Variants in ADCY3 observed in about 807,000 individuals in gnomAD.
ADCY3 encodes adenylate cyclase 3.
A neutral mutation model predicts 119.4 loss-of-function variants in ADCY3; 70 were observed. The observed-to-expected ratio is 0.59, with a 90% CI of 0.48 to 0.72. ADCY3 has a LOEUF of 0.72. ADCY3 is among the 30% of genes least tolerant of loss of function. The pLI is 0.00. For missense variants in ADCY3, 1,238 were observed against 1,541.6 expected, an observed-to-expected ratio of 0.80 and a Z score of 3.30; for synonymous variants, 672 against 621.4, an observed-to-expected ratio of 1.08 and a Z score of -1.21.
chr2:24,883,156 T>C (rs971366633), intron 2 of ADCY3, among the ~76,000 whole-genome samples: 11 of 152,036 alleles, frequency 7.2e-5, no homozygotes, highest in Non-Finnish European at 1.5e-5. Context: ...AAGACTAGCC[T>C]GGCCAATATA....
chr2:24,896,938 C>T lies in ADCY3; in HGVS notation c.675+21375G>A, dbSNP rs1241405363. On this transcript the variant is annotated intron_variant, in intron 2 of 21. Coordinates refer to ENST00000679454, the MANE Select transcript of ADCY3 (RefSeq NM_004036.5). ...TAGGTAATGAACGATAGGGCTCACT[C>T]GGTTAGTCTTCTTTTTCCAAGGAAT... Among the ~76,000 whole-genome samples the T allele has an allele frequency of 2.6e-5, 4 of 152,164 alleles. No individual in the cohort carries two copies. The East Asian group carries it at 5.8e-4, about 22-fold the overall frequency.
chr2:24,841,181 C>G lies in ADCY3; in HGVS notation c.1196+78G>C, dbSNP rs757127583. On this transcript the variant is annotated intron_variant, in intron 6 of 21. Coordinates refer to ENST00000679454, the MANE Select transcript of ADCY3 (RefSeq NM_004036.5). This position sits in a 1 kb window ranked among gnomAD's most constrained non-coding sequence, Gnocchi z 5.8. ...CCCCACCCAGGGGCCATGGCCAGCG[C>G]GGAAGACCTGCTTCTCCCTGGGTCC... is the stretch of plus-strand genomic sequence containing the variant. 7.6e-6 allele frequency: 11 copies of G among 1,454,414 alleles called. No individual in the cohort carries two copies. In the African/African-American group the frequency reaches 1.4e-4, roughly 19 times the overall value. 90.1% of individuals were successfully genotyped at this position (1,454,414 alleles called of 1,614,324 possible). A position where few individuals can be genotyped will look rare whatever the true frequency, so the allele number is the denominator to read the frequency against.
chr2:24,822,363 A>G (rs1404104903), intron 19 of ADCY3, 148 bp downstream of exon 19: 1 of 1,149,902 alleles, frequency 8.7e-7, no homozygotes, highest in Non-Finnish European at 1.2e-6. Context: ...AATAAACCCT[A>G]TTTCTTATTT....
intron 7 of ADCY3, among the ~76,000 whole-genome samples, chr2:24,839,147 G>A (rs1670694078): frequency 6.6e-6 from 1 of 152,032 alleles, no homozygotes; most frequent in African/African-American, 2.4e-5. Context: ...TCGTCATGTT[G>A]GTCAGGCTGG....
At position 24,878,022 on chromosome 2, in the gene ADCY3, G is replaced by A. The variant is rs1439817687; in HGVS notation, c.676-5303C>T. 1.0e-4 allele frequency: 47 copies of A among 463,484 alleles called. No individual in the cohort carries two copies. The highest frequency in any genetic ancestry group is 1.4e-4 in the Non-Finnish European group (32 of 222,190). The allele number at this position is 463,484 out of a possible 1,614,324, so 28.7% of individuals were successfully genotyped here. On this transcript the variant is annotated intron_variant, in intron 2 of 21. Transcript: ENST00000679454. The surrounding 1 kb of genome is among the most constrained non-coding windows in gnomAD (Gnocchi z 4.0). ...CTGCACAGCACGATCAGGCTCTGTGGTGACAGAGGTCCACAGCCCCTGGGG... is the reference window on the plus strand; with the variant it reads ...CTGCACAGCACGATCAGGCTCTGTGATGACAGAGGTCCACAGCCCCTGGGG...
Position 24,841,615 on chromosome 2 carries a change from C to T in ADCY3, c.1009G>A (p.Ala337Thr), listed in dbSNP as rs1454175130. 1 of 1,613,682 alleles carries T rather than the reference C, an allele frequency of 6.2e-7. No individual in the cohort carries two copies. Among genetic ancestry groups the T allele is most frequent in the Non-Finnish European group, 8.5e-7 (1 of 1,180,008 alleles). ...TTGAGCAGCTTCACAAGCTCCTGGGCACTGCAGGCAGAAGACAGCTGGGTA... is the reference window on the plus strand; with the variant it reads ...TTGAGCAGCTTCACAAGCTCCTGGGTACTGCAGGCAGAAGACAGCTGGGTA... ...GFTQLSSACS[A>T]QELVKLLNEL... is the part of the protein sequence containing the mutation. Residue 337 changes from alanine (A) to threonine (T), a missense_variant, in exon 5 of 22, where the codon GCC (alanine) becomes ACC (threonine). By Grantham distance (58) the Ala-to-Thr change is moderately conservative. This residue lies in a region of ADCY3 where 283 missense variants were observed against 437.2 expected (regional missense o/e 0.65). Coordinates refer to ENST00000679454, the MANE Select transcript of ADCY3 (RefSeq NM_004036.5). This position sits in a 1 kb window ranked among gnomAD's most constrained non-coding sequence, Gnocchi z 5.8.
intron 12 of ADCY3, among the ~76,000 whole-genome samples, 165 bp downstream of exon 12, chr2:24,831,497 C>T (rs1042376046): frequency 6.6e-6 from 1 of 152,256 alleles, no homozygotes; most frequent in Admixed American, 6.5e-5. Context: ...AGGGAGTGCT[C>T]TGCTGATGGT....
intron 3 of ADCY3, among the ~76,000 whole-genome samples, chr2:24,852,880 G>A (rs1672507949): frequency 6.6e-6 from 1 of 152,254 alleles, no homozygotes; most frequent in African/African-American, 2.4e-5. Context: ...TGGTGGGGCT[G>A]TGGACTCAGC....
intron 3 of ADCY3, among the ~76,000 whole-genome samples, chr2:24,850,278 C>A (rs911611244): frequency 1.3e-5 from 2 of 152,164 alleles, no homozygotes; most frequent in Non-Finnish European, 1.5e-5. Context: ...TGGCCCCTTT[C>A]ATGAGTGCGT....
intron 2 of ADCY3, among the ~76,000 whole-genome samples, chr2:24,897,474 T>A (rs1678416009): frequency 6.6e-5 from 10 of 152,136 alleles, no homozygotes; most frequent in Admixed American, 6.5e-4. Context: ...GGCCTGTGTG[T>A]CCCTGAGAAA....
intron 2 of ADCY3, among the ~76,000 whole-genome samples, chr2:24,915,308 G>A (rs778407982): frequency 6.6e-6 from 1 of 152,168 alleles, no homozygotes; most frequent in South Asian, 2.1e-4. Context: ...GGAGAAAGGC[G>A]GTGCCTGGGG....
chr2:24,828,012 C>T lies in ADCY3; in HGVS notation c.2322G>A (p.Met774Ile). The T allele has an allele frequency of 6.2e-7, 1 of 1,614,230 alleles. No homozygotes were observed. The highest frequency in any genetic ancestry group is 8.5e-7 in the Non-Finnish European group (1 of 1,180,044). Reference sequence around the variant, plus strand: ...CGAGCAGCATGAGCGTGAGCTTCACCATGTGGCTGACCTGCACCAGCATGA... The same window carrying T: ...CGAGCAGCATGAGCGTGAGCTTCACTATGTGGCTGACCTGCACCAGCATGA... Reference protein sequence around the residue: ...ATIMLVQVSHMVKLTLMLLVA... With the variant: ...ATIMLVQVSHIVKLTLMLLVA... Residue 774 changes from methionine to isoleucine, a missense_variant, in exon 14 of 22, where the codon ATG becomes ATA. Physicochemically the swap from Met to Ile is conservative, Grantham distance 10 (BLOSUM62 1). This residue lies in a region of ADCY3 where 499 missense variants were observed against 571.0 expected (regional missense o/e 0.87). Coordinates refer to ENST00000679454, the MANE Select transcript of ADCY3 (RefSeq NM_004036.5).
intron 2 of ADCY3, among the ~76,000 whole-genome samples, chr2:24,889,429 T>C (rs1421399067): frequency 2.0e-5 from 3 of 152,196 alleles, no homozygotes; most frequent in Admixed American, 6.5e-5. Flanking sequence ...CACACAAATA[T>C]GCAAATGACA....
intron 2 of ADCY3, among the ~76,000 whole-genome samples, chr2:24,875,992 G>A (rs1034081728): frequency 1.3e-5 from 2 of 149,674 alleles, no homozygotes; most frequent in Non-Finnish European, 1.5e-5. Context: ...TTTTTGGGAG[G>A]GGGGCGGTGG....
In ADCY3 at chr2:24,834,627, A is replaced by T. The variant is rs1670044367; in HGVS notation, c.1825T>A (p.Phe609Ile). 6.2e-7 allele frequency: 1 copy of T among 1,613,956 alleles called. No individual in the cohort carries two copies. ...TCCATGAACCGCATGGACAAGAGGA[A>T]GGTGTTTCTCTTCTTTACTCTGCAG... is the stretch of plus-strand genomic sequence containing the variant. ...SAQVVKKRNT[F>I]LLSMRFMDPE... Residue 609 changes from phenylalanine (F) to isoleucine (I), a missense_variant, in exon 11 of 22, where the codon TTC becomes ATC. Physicochemically the swap from Phe to Ile is conservative, Grantham distance 21 (BLOSUM62 0). Around this residue, in one of 7 missense-constraint regions of ADCY3, gnomAD observed 499 missense variants for 571.0 expected, o/e 0.87. Coordinates refer to ENST00000679454, the MANE Select transcript of ADCY3 (RefSeq NM_004036.5). This position sits in a 1 kb window ranked among gnomAD's most constrained non-coding sequence, Gnocchi z 4.2.
intron 3 of ADCY3, among the ~76,000 whole-genome samples, chr2:24,844,267 A>AC (rs1222260675): frequency 6.6e-6 from 1 of 151,716 alleles, no homozygotes; most frequent in Non-Finnish European, 1.5e-5. Flanking sequence ...GGAACTCAGG[A>AC]CCCCCAGGAG....
intron 3 of ADCY3, among the ~76,000 whole-genome samples, chr2:24,847,332 G>C (rs527389102): frequency 5.0e-4 from 76 of 152,292 alleles, no homozygotes; most frequent in African/African-American, 1.7e-3. Context: ...GGAACTGTAA[G>C]TCCAATTAAA....
At chr2:24,861,814 C>T (rs1187240286) in intron 3 of ADCY3, among the ~76,000 whole-genome samples, 2 of 152,236 alleles carry the variant, frequency 1.3e-5, no homozygotes, top group East Asian at 3.8e-4. Context: ...TACCTCACCA[C>T]CCTGACTTCA....
chr2:24,914,252 C>T (rs1400592124), intron 2 of ADCY3, among the ~76,000 whole-genome samples: 1 of 152,224 alleles, frequency 6.6e-6, no homozygotes, highest in African/African-American at 2.4e-5. Flanking sequence ...CATGGAGCAG[C>T]AATCAGTGCT....
Sources: allele counts gnomAD v4.1 joint callset (sites outside exome capture counted in the v4.1 genomes callset), GRCh38; gene constraint gnomAD v4.1.1; regional missense constraint gnomAD v4.1.1; non-coding constraint Gnocchi (gnomAD v3.1); transcripts MANE v1.5; gene names NCBI Gene and HGNC (gene_info 2026-07-23, HGNC 2026-07-21).